Variants in RGS6 observed in about 807,000 individuals in gnomAD.
RGS6 encodes regulator of G-protein signaling 6.
A neutral mutation model predicts 78.5 loss-of-function variants in RGS6; 30 were observed. The ratio of observed to expected loss-of-function variants is 0.38; its 90% CI spans 0.29 to 0.52. The LOEUF (loss-of-function observed/expected upper bound fraction) is 0.52. Among genes scored for constraint, RGS6 ranks in the 20% least tolerant of loss-of-function variants. The pLI, the probability that RGS6 is intolerant of heterozygous loss-of-function variation, is 0.85. For missense variants in RGS6, 495 were observed against 609.7 expected (o/e 0.81, Z 1.98); for synonymous variants, 206 against 206.0 (o/e 1.00, Z 0.00).
chr14:72,417,794 A>G (rs2093929464), intron 3 of RGS6, among the ~76,000 whole-genome samples: 1 of 152,202 alleles, frequency 6.6e-6, no homozygotes, highest in South Asian at 2.1e-4. Context: ...ACATAATCAG[A>G]GCTATGTAGG....
chr14:71,926,772 T>C, the RGS6 span, among the ~76,000 whole-genome samples: 1 of 152,158 alleles, frequency 6.6e-6, no homozygotes, highest in Non-Finnish European at 1.5e-5. Context: ...ATGCATTCAA[T>C]TTTAGTGTCC....
chr14:72,029,242 C>T (rs1471466815), intron 2 of RGS6, among the ~76,000 whole-genome samples: 1 of 152,222 alleles, frequency 6.6e-6, no homozygotes, highest in East Asian at 1.9e-4. Flanking sequence ...ACTGCATAAT[C>T]CTTGTCACCC....
chr14:72,154,884 C>G (rs2096748148), intron 2 of RGS6, among the ~76,000 whole-genome samples: 1 of 152,196 alleles, frequency 6.6e-6, no homozygotes, highest in South Asian at 2.1e-4. Context: ...GTTACAACAG[C>G]ATGACCATGT....
the RGS6 span, chr14:72,629,805 G>T: frequency 8.0e-7 from 1 of 1,249,334 alleles, no homozygotes; most frequent in South Asian, 1.3e-5. Flanking sequence ...ACCACTCACT[G>T]GAAACACATT....
chr14:72,560,951 A>G (rs2097667141), intron 17 of RGS6, among the ~76,000 whole-genome samples: 1 of 151,898 alleles, frequency 6.6e-6, no homozygotes, highest in Non-Finnish European at 1.5e-5. Flanking sequence ...ACTTTCTGAC[A>G]GCTCCTGAGG....
rs77685730 is a variant in RGS6, at chr14:72,436,896, G to A, written c.185-17632G>A. ...AAATCTATGGTGTGGCCTCTGCAGT[G>A]AGTCAGAGTGCAGAGTTGAAGAGAT... On this transcript the variant is annotated intron_variant, in intron 3 of 17. Transcript: ENST00000553525. Among the ~76,000 whole-genome samples, 423 of 152,262 alleles carry A rather than the reference G, an allele frequency of 2.8e-3. 2 individuals are homozygous for A. Among genetic ancestry groups the A allele is most frequent in the African/African-American group, 9.8e-3 (409 of 41,552 alleles).
At chr14:72,120,651 C>T (rs1192936304) in intron 2 of RGS6, among the ~76,000 whole-genome samples, 1 of 152,218 alleles carries the variant, frequency 6.6e-6, no homozygotes, top group Non-Finnish European at 1.5e-5. Flanking sequence ...GAACAACTTA[C>T]TGATTCATGC....
At chr14:71,981,567 C>CTTGGGGGTGCCTCCCAGTTAGGCT (rs2094455795) in intron 2 of RGS6, among the ~76,000 whole-genome samples, 1 of 147,996 alleles carries the variant, frequency 6.8e-6, no homozygotes, top group Non-Finnish European at 1.5e-5. Flanking sequence ...CCAGTTAGGC[C>CTTGGGGGTGCCTCCCAGTTAGGCT]GCTCGGGGGT....
Position 72,147,681 on chromosome 14 carries a change from C to G in RGS6, c.84+182806C>G, listed in dbSNP as rs114627471. On this transcript the variant is annotated intron_variant, in intron 2 of 17. Transcript: ENST00000553525. ...TGCAGATACAGACAGCAGCTCATGC[C>G]AATGCTGTGTGGTAAGAGAAAGCAC... Among the ~76,000 whole-genome samples, 980 of 152,188 alleles carry G rather than the reference C, an allele frequency of 6.4e-3. 13 individuals carry two copies. Among genetic ancestry groups the G allele is most frequent in the African/African-American group, 0.022 (910 of 41,510 alleles).
chr14:72,210,490 A>G (rs1231704037), intron 2 of RGS6, among the ~76,000 whole-genome samples: 1 of 152,210 alleles, frequency 6.6e-6, no homozygotes, highest in East Asian at 1.9e-4. Flanking sequence ...GAGGAAAATA[A>G]TGTTTGTCAT....
At chr14:72,381,621 A>G (rs566508544) in intron 3 of RGS6, among the ~76,000 whole-genome samples, 2 of 152,280 alleles carry the variant, frequency 1.3e-5, no homozygotes, top group East Asian at 1.9e-4. Context: ...CAAAATTATC[A>G]TGCAAAAGAA....
chr14:72,348,768 T>A (rs2078539365), intron 2 of RGS6, among the ~76,000 whole-genome samples: 1 of 152,360 alleles, frequency 6.6e-6, no homozygotes, highest in Non-Finnish European at 1.5e-5. Context: ...ATGTCAAGTA[T>A]TTTTTGTGGC....
At position 72,307,926 on chromosome 14, in the gene RGS6, A is replaced by G. The variant is rs1938031972; in HGVS notation, c.85-44169A>G. On this transcript the variant is annotated intron_variant, in intron 2 of 17. Transcript: ENST00000553525. ...AGAGTTTAGTTTATATAGCTCTTCCACATGTCTCATTACATTTATTCCTAG... is the reference window on the plus strand; with the variant it reads ...AGAGTTTAGTTTATATAGCTCTTCCGCATGTCTCATTACATTTATTCCTAG... Among the ~76,000 whole-genome samples, 5 of 152,296 alleles carry G rather than the reference A, an allele frequency of 3.3e-5. No homozygotes were observed. The South Asian group carries it at 1.0e-3, about 32-fold the overall frequency.
At chr14:72,429,994 C>T (rs1005448807) in intron 3 of RGS6, among the ~76,000 whole-genome samples, 1 of 152,190 alleles carries the variant, frequency 6.6e-6, no homozygotes, top group Non-Finnish European at 1.5e-5. Context: ...CCTTCTGCCA[C>T]GATTGTAAGT....
chr14:72,088,264 C>T (rs573387397), intron 2 of RGS6, among the ~76,000 whole-genome samples: 13 of 152,166 alleles, frequency 8.5e-5, no homozygotes, highest in Non-Finnish European at 1.8e-4. Context: ...ATGCATCACT[C>T]ATTTGAATCA....
intron 2 of RGS6, among the ~76,000 whole-genome samples, chr14:72,172,750 A>G (rs2097042957): frequency 6.6e-6 from 1 of 152,242 alleles, no homozygotes; most frequent in Non-Finnish European, 1.5e-5. Context: ...CAGTGGCATT[A>G]CAACAGTGAC....
At chr14:72,170,156 A>T (rs897589371) in intron 2 of RGS6, among the ~76,000 whole-genome samples, 9 of 152,194 alleles carry the variant, frequency 5.9e-5, no homozygotes, top group Non-Finnish European at 1.2e-4. Context: ...ATATACTCAC[A>T]AAGTATTTAA....
the RGS6 span, among the ~76,000 whole-genome samples, chr14:72,607,666 G>A: frequency 6.6e-6 from 1 of 152,198 alleles, no homozygotes; most frequent in African/African-American, 2.4e-5. Flanking sequence ...CTGTGTAATC[G>A]TCTGCTGCCT....
intron 2 of RGS6, among the ~76,000 whole-genome samples, chr14:72,343,403 G>A (rs569308868): frequency 1.2e-4 from 18 of 152,282 alleles, no homozygotes; most frequent in Non-Finnish European, 1.9e-4. Flanking sequence ...CTATAGCTGG[G>A]AAAGGTCTTC....
Sources: allele counts gnomAD v4.1 joint callset (sites outside exome capture counted in the v4.1 genomes callset), GRCh38; gene constraint gnomAD v4.1.1; transcripts MANE v1.5; gene names NCBI Gene and HGNC (gene_info 2026-07-23, HGNC 2026-07-21).